GABRA5: variants seen among roughly 807,000 people sequenced by gnomAD.
The protein encoded by GABRA5 is gamma-aminobutyric acid receptor subunit alpha-5.
A neutral mutation model predicts 47.3 loss-of-function variants in GABRA5; 18 were observed. The observed-to-expected ratio is 0.38, with a 90% CI of 0.26 to 0.56. The LOEUF (loss-of-function observed/expected upper bound fraction) is 0.56. GABRA5 is among the 20% of genes least tolerant of loss of function. GABRA5 has a pLI of 0.71. For synonymous variants in GABRA5, 237 were observed against 229.3 expected, an observed-to-expected ratio of 1.03 and a Z score of -0.30; for missense variants, 365 against 599.3, an observed-to-expected ratio of 0.61 and a Z score of 4.08.
chr15:26,896,157 A>G (rs1202110818), intron 6 of GABRA5, among the ~76,000 whole-genome samples: 2 of 152,190 alleles, frequency 1.3e-5, no homozygotes, highest in African/African-American at 4.8e-5. Context: ...CTTCCTTTTT[A>G]AGGGCTCTGA....
chr15:26,946,887 A>G (rs967035919), intron 10 of GABRA5, among the ~76,000 whole-genome samples: 6 of 152,244 alleles, frequency 3.9e-5, no homozygotes, highest in African/African-American at 7.2e-5. Context: ...TCGATAGGAT[A>G]GTAAACAAAC....
At chr15:26,905,106 G>A (rs920874432) in intron 6 of GABRA5, among the ~76,000 whole-genome samples, 12 of 152,050 alleles carry the variant, frequency 7.9e-5, no homozygotes, top group African/African-American at 2.9e-4. Context: ...GTCATAGATG[G>A]CTCTTATTAT....
At chr15:26,897,858 G>A (rs750633699) in intron 6 of GABRA5, among the ~76,000 whole-genome samples, 3 of 152,050 alleles carry the variant, frequency 2.0e-5, no homozygotes, top group South Asian at 2.1e-4. Flanking sequence ...ACTGACCCAC[G>A]GAGGGGCTTT....
chr15:26,918,310 T>C (rs1188476297), intron 7 of GABRA5, among the ~76,000 whole-genome samples: 1 of 152,222 alleles, frequency 6.6e-6, no homozygotes, highest in African/African-American at 2.4e-5. Flanking sequence ...GTATGAATTT[T>C]CTAGTTTTTC....
chr15:26,947,705 C>T (rs8036660), intron 10 of GABRA5, among the ~76,000 whole-genome samples: 137,428 of 152,240 alleles, frequency 0.9, 62,398 homozygotes, highest in African/African-American at 0.98. Context: ...TAGAATGATC[C>T]GTATTCCTCT....
chr15:26,935,100 G>T (rs771675591), intron 7 of GABRA5, among the ~76,000 whole-genome samples: 2 of 152,146 alleles, frequency 1.3e-5, no homozygotes, highest in Non-Finnish European at 2.9e-5. Flanking sequence ...AAGGAATTTA[G>T]TGTTGGTTGC....
At chr15:26,944,839 C>G (rs1303950680) in intron 10 of GABRA5, among the ~76,000 whole-genome samples, 1 of 152,078 alleles carries the variant, frequency 6.6e-6, no homozygotes, top group South Asian at 2.1e-4. Flanking sequence ...AGGGAGGAGC[C>G]GGAAGTCCCT....
At chr15:26,870,390 T>C (rs570432320) in intron 3 of GABRA5, among the ~76,000 whole-genome samples, 10 of 152,330 alleles carry the variant, frequency 6.6e-5, no homozygotes, top group Admixed American at 5.2e-4. Flanking sequence ...GAAGACAGCA[T>C]TGGGACTTTA....
At chr15:26,880,639 T>C (rs1468530055) in intron 3 of GABRA5, 2 of 456,654 alleles carry the variant, frequency 4.4e-6, no homozygotes, top group Non-Finnish European at 7.8e-6. Context: ...GGTGGTTGGA[T>C]AACTAGCCCC....
chr15:26,867,922 G>C lies in GABRA5; in HGVS notation c.-139-807G>C, dbSNP rs1892360289. On this transcript the variant is annotated intron_variant, in intron 1 of 10. Transcript: ENST00000335625. This position sits in a 1 kb window ranked among gnomAD's most constrained non-coding sequence, Gnocchi z 5.9. ...TGGCGGAGCGCTTGGCTCGTACCCG[G>C]GGCAGGAGCAGGGGAAGTCTGCGAA... The C allele has an allele frequency of 1.3e-5, 2 of 152,158 alleles. No individual in the cohort carries two copies. Among genetic ancestry groups the C allele is most frequent in the South Asian group, 4.1e-4 (2 of 4,830 alleles). 9.4% of individuals were successfully genotyped at this position (152,158 alleles called of 1,614,324 possible). A position where few individuals can be genotyped will look rare whatever the true frequency, so the allele number is the denominator to read the frequency against.
chr15:26,868,623 AAAGTAGCCACACTCTTTTATAGGCAGTTG>A (rs1892385686), intron 1 of GABRA5, 77 bp from the exon 2 acceptor site: 1 of 152,406 alleles, frequency 6.6e-6, no homozygotes. Context: ...GAATGCCGGG[AAAGTAGCCACACTCTTTTATAGGCAGTTG>A]TCACAGTATT....
intron 6 of GABRA5, among the ~76,000 whole-genome samples, chr15:26,901,331 A>G (rs1175666432): frequency 2.6e-5 from 4 of 152,184 alleles, no homozygotes; most frequent in Admixed American, 1.3e-4. Context: ...TACTGTTGGC[A>G]GTGTTCTGGA....
In GABRA5 at chr15:26,947,974, T is replaced by C; in HGVS notation, c.1130T>C (p.Phe377Ser). 1 of 1,592,712 alleles carries C rather than the reference T, an allele frequency of 6.3e-7. No homozygotes were observed. The highest frequency in any genetic ancestry group is 8.6e-7 in the Non-Finnish European group (1 of 1,168,912). The stretch of plus-strand genomic sequence containing the variant: ...ATACTAAATAAGTCAACAAACGCTT[T>C]TACAACTGGGAAGATGTCTCACCCC... ...EVILNKSTNA[F>S]TTGKMSHPPN... The change falls in exon 11 of 11, where the codon TTT (phenylalanine) becomes TCT (serine). Residue 377 changes from phenylalanine to serine, a missense_variant. By Grantham distance (155) the Phe-to-Ser change is radical. Around this residue, in one of 3 missense-constraint regions of GABRA5, gnomAD observed 106 missense variants for 130.3 expected, o/e 0.81. Transcript: ENST00000335625.
intron 7 of GABRA5, among the ~76,000 whole-genome samples, chr15:26,917,395 G>A (rs1335031449): frequency 6.6e-6 from 1 of 151,904 alleles, no homozygotes; most frequent in Non-Finnish European, 1.5e-5. Flanking sequence ...TTCATGTGTT[G>A]GACCTTCTTT....
intron 6 of GABRA5, among the ~76,000 whole-genome samples, chr15:26,902,338 C>T (rs1267263913): frequency 7.9e-5 from 12 of 151,834 alleles, no homozygotes; most frequent in African/African-American, 2.9e-4. Flanking sequence ...TGTTTTTCCC[C>T]TAAATATTAT....
In GABRA5 at chr15:26,910,647, T is replaced by C. The variant is rs373274704; in HGVS notation, c.498-4156T>C. Among the ~76,000 whole-genome samples, 26 of 152,044 alleles carry C rather than the reference T, an allele frequency of 1.7e-4. 1 individual carries two copies. The highest frequency in any genetic ancestry group is 6.0e-4 in the African/African-American group (25 of 41,474). On this transcript the variant is annotated intron_variant, in intron 6 of 10. Coordinates refer to ENST00000335625, the MANE Select transcript of GABRA5 (RefSeq NM_000810.4). ...CCTTATCCTAAAATCAAGATGTTCT[T>C]CAAAAATGGGACATTATGCTTCAGT... is the stretch of plus-strand genomic sequence containing the variant.
At chr15:26,940,299 G>T (rs1163157141) in intron 9 of GABRA5, among the ~76,000 whole-genome samples, 2 of 152,194 alleles carry the variant, frequency 1.3e-5, no homozygotes, top group African/African-American at 4.8e-5. Context: ...CTATTTGATA[G>T]TTATTTACTT....
Position 26,867,518 on chromosome 15 carries a change from G to C in GABRA5, c.-140+407G>C, listed in dbSNP as rs1176485917. On this transcript the variant is annotated intron_variant, in intron 1 of 10. Transcript: ENST00000335625. The surrounding 1 kb of genome is among the most constrained non-coding windows in gnomAD (Gnocchi z 5.9). ...CGGCAGGCTGCGTGGCCGGGGAGGA[G>C]AGGTGCAGAGCAGGCGGGGCGCGCA... 1.3e-5 allele frequency: 2 copies of C among 152,530 alleles called. No individual in the cohort carries two copies. The highest frequency in any genetic ancestry group is 2.1e-4 in the South Asian group (1 of 4,828). The allele number at this position is 152,530 out of a possible 1,614,324, so 9.4% of individuals were successfully genotyped here. A position where few individuals can be genotyped will look rare whatever the true frequency, so the allele number is the denominator to read the frequency against.
chr15:26,892,561 G>C (rs2140268483), intron 6 of GABRA5, among the ~76,000 whole-genome samples: 1 of 152,380 alleles, frequency 6.6e-6, no homozygotes, highest in Non-Finnish European at 1.5e-5. Context: ...GATTTTTCTA[G>C]AGCATTTTAG....
Sources: gnomAD v4.1 joint callset for allele counts (sites outside exome capture counted in the v4.1 genomes callset) on GRCh38, gnomAD v4.1.1 for gene constraint, gnomAD v4.1.1 regional missense constraint, Gnocchi (gnomAD v3.1) non-coding constraint, MANE v1.5 for transcripts, NCBI Gene and HGNC (gene_info 2026-07-23, HGNC 2026-07-21) for gene names.